The following SP4 variants were observed in gnomAD, a reference collection of about 807,000 sequenced individuals.
SP4 encodes the protein Sp4 transcription factor.
Under a neutral mutation model 72.8 loss-of-function variants are expected in SP4, and 19 were observed. That is an observed-to-expected ratio of 0.26 (90% CI 0.18 to 0.38). The LOEUF is 0.38. Ranked by LOEUF, SP4 falls within the 10% of genes least tolerant of loss-of-function variation. SP4 has a pLI of 1.00. For synonymous variants in SP4, 395 were observed against 333.1 expected, an observed-to-expected ratio of 1.19 and a Z score of -2.02; for missense variants, 1,008 against 926.3, an observed-to-expected ratio of 1.09 and a Z score of -1.14.
At chr7:21,434,116 G>A (rs1277192812) in intron 3 of SP4, among the ~76,000 whole-genome samples, 1 of 152,034 alleles carries the variant, frequency 6.6e-6, no homozygotes, top group Non-Finnish European at 1.5e-5. Flanking sequence ...TTTCTTGGTC[G>A]GTTCATGTTG....
At chr7:21,477,832 G>T (rs556008765) in intron 4 of SP4, among the ~76,000 whole-genome samples, 1 of 151,996 alleles carries the variant, frequency 6.6e-6, no homozygotes, top group Non-Finnish European at 1.5e-5. Flanking sequence ...GAGCCCCCTC[G>T]CCCAGCCCAT....
At chr7:21,510,403 G>T (rs760135035) in intron 5 of SP4, among the ~76,000 whole-genome samples, 3 of 151,794 alleles carry the variant, frequency 2.0e-5, no homozygotes, top group African/African-American at 7.3e-5. Context: ...CAAAGAAGTC[G>T]GTCCAGTAAA....
chr7:21,498,992 A>G (rs1401306990), intron 5 of SP4, among the ~76,000 whole-genome samples: 1 of 149,342 alleles, frequency 6.7e-6, no homozygotes, highest in African/African-American at 2.5e-5. Context: ...AGGCAGGAGA[A>G]TGGCAGGAAC....
At chr7:21,481,604 A>G (rs1784690655) in intron 4 of SP4, among the ~76,000 whole-genome samples, 1 of 152,270 alleles carries the variant, frequency 6.6e-6, no homozygotes. Flanking sequence ...TCCTTTTGAA[A>G]TTTTAGAGAA....
intron 5 of SP4, among the ~76,000 whole-genome samples, chr7:21,506,963 GGAT>G (rs1782014840): frequency 6.6e-6 from 1 of 152,164 alleles, no homozygotes; most frequent in Non-Finnish European, 1.5e-5. Flanking sequence ...ATCCCATTCA[GGAT>G]TAACATTTGG....
intron 3 of SP4, among the ~76,000 whole-genome samples, chr7:21,452,080 T>G (rs981482577): frequency 1.3e-5 from 2 of 152,220 alleles, no homozygotes; most frequent in African/African-American, 4.8e-5. Context: ...AGAGTTATTC[T>G]AAATGGCAGA....
At chr7:21,443,808 A>G (rs1006507544) in intron 3 of SP4, among the ~76,000 whole-genome samples, 2 of 152,224 alleles carry the variant, frequency 1.3e-5, no homozygotes, top group Admixed American at 6.5e-5. Context: ...TATAAGAGAA[A>G]GAAATACTTA....
rs1784523690 is a variant in SP4, at chr7:21,477,140, A to C, written c.1740A>C (p.Val580=). 7 of 1,613,992 alleles carry C rather than the reference A, an allele frequency of 4.3e-6. No individual in the cohort carries two copies. Among genetic ancestry groups the C allele is most frequent in the Non-Finnish European group, 5.9e-6 (7 of 1,179,966 alleles). The part of the protein sequence containing the change: ...VQQATIAPVT[V]AVGGIANATI... ...AAGCTACTATAGCTCCTGTAACTGT[A>C]GCAGTTGGAGGAATTGCTAATGCCA... The change falls in exon 4 of 6, where the codon GTA becomes GTC. Residue 580 remains valine (V), a synonymous_variant. Transcript: ENST00000222584.
intron 5 of SP4, among the ~76,000 whole-genome samples, chr7:21,491,425 A>T (rs1479932304): frequency 6.6e-6 from 1 of 152,132 alleles, no homozygotes; most frequent in Non-Finnish European, 1.5e-5. Flanking sequence ...GATCTGTGGG[A>T]CAATAATAAA....
At chr7:21,487,682 C>T (rs534863554) in intron 5 of SP4, among the ~76,000 whole-genome samples, 8 of 147,728 alleles carry the variant, frequency 5.4e-5, no homozygotes, top group South Asian at 4.3e-4. Context: ...TTGTCTGTAT[C>T]TTTTTCCAGT....
chr7:21,428,867 A>G, intron 2 of SP4, 75 bp downstream of exon 2: 1 of 1,086,092 alleles, frequency 9.2e-7, no homozygotes, highest in Non-Finnish European at 1.3e-6. Flanking sequence ...TTGAATGTCC[A>G]GAAGTAACAG....
intron 3 of SP4, among the ~76,000 whole-genome samples, chr7:21,433,129 A>G (rs1470215345): frequency 6.6e-6 from 1 of 152,240 alleles, no homozygotes; most frequent in Non-Finnish European, 1.5e-5. Context: ...GGTGGCAACT[A>G]CAACTTTTTA....
chr7:21,444,259 G>A (rs1406307643), intron 3 of SP4, among the ~76,000 whole-genome samples: 1 of 152,184 alleles, frequency 6.6e-6, no homozygotes, highest in East Asian at 1.9e-4. Flanking sequence ...AGTGGGGAGA[G>A]AAATTATGCA....
chr7:21,442,799 G>A (rs1583385850), intron 3 of SP4, among the ~76,000 whole-genome samples: 3 of 152,138 alleles, frequency 2.0e-5, no homozygotes, highest in South Asian at 2.1e-4. Flanking sequence ...GCAGTGGCAC[G>A]ATCTTGGCTC....
chr7:21,438,197 A>G (rs1273475723), intron 3 of SP4, among the ~76,000 whole-genome samples: 1 of 152,174 alleles, frequency 6.6e-6, no homozygotes, highest in Non-Finnish European at 1.5e-5. Flanking sequence ...TTCTTGTACC[A>G]TATAGAAAAT....
At chr7:21,481,406 T>G (rs1784683542) in intron 4 of SP4, among the ~76,000 whole-genome samples, 1 of 152,246 alleles carries the variant, frequency 6.6e-6, no homozygotes, top group South Asian at 2.1e-4. Context: ...TACCAATTTC[T>G]GTGAGATTTT....
intron 3 of SP4, among the ~76,000 whole-genome samples, chr7:21,441,241 G>A (rs1333506430): frequency 6.6e-6 from 1 of 152,174 alleles, no homozygotes; most frequent in East Asian, 1.9e-4. Flanking sequence ...CAGGTGAAGA[G>A]TGAGGATGGC....
At chr7:21,488,841 A>T (rs77202927) in intron 5 of SP4, among the ~76,000 whole-genome samples, 3,427 of 152,244 alleles carry the variant, frequency 0.023, 54 homozygotes, top group African/African-American at 0.037. Context: ...TAACGATGTC[A>T]TATAGATATG....
chr7:21,496,085 C>T (rs374175816), intron 5 of SP4, among the ~76,000 whole-genome samples: 2 of 152,168 alleles, frequency 1.3e-5, no homozygotes, highest in South Asian at 4.1e-4. Flanking sequence ...TTTTCTAGGG[C>T]ATAAGCAAGG....
Sources: allele counts gnomAD v4.1 joint callset (sites outside exome capture counted in the v4.1 genomes callset), GRCh38; gene constraint gnomAD v4.1.1; transcripts MANE v1.5; gene names NCBI Gene and HGNC (gene_info 2026-07-23, HGNC 2026-07-21).